FSTL4: variants seen among roughly 807,000 people sequenced by gnomAD.
The protein encoded by FSTL4 is follistatin like 4, also known as follistatin-related protein 4.
Under a neutral mutation model 78.2 loss-of-function variants are expected in FSTL4, and 28 were observed. That is an observed-to-expected ratio of 0.36 (90% CI 0.27 to 0.49). FSTL4 has a LOEUF of 0.49. Among genes scored for constraint, FSTL4 ranks in the 20% least tolerant of loss-of-function variants. The pLI is 0.98. For synonymous variants in FSTL4, 422 were observed against 440.5 expected (o/e 0.96, Z 0.53); for missense variants, 922 against 1,084.9 (o/e 0.85, Z 2.11).
chr5:133,254,476 G>T (rs868008772), intron 6 of FSTL4, among the ~76,000 whole-genome samples: 23 of 152,254 alleles, frequency 1.5e-4, no homozygotes, highest in Admixed American at 4.6e-4. Flanking sequence ...ACCTCCAGGG[G>T]CAGGGACTAG....
intron 3 of FSTL4, among the ~76,000 whole-genome samples, chr5:133,530,359 C>A (rs1252364457): frequency 2.0e-5 from 3 of 152,194 alleles, no homozygotes; most frequent in African/African-American, 7.2e-5. Flanking sequence ...GTTAAAAACA[C>A]CTTGCTGGAC....
At chr5:133,813,972 T>C in the FSTL4 span, among the ~76,000 whole-genome samples, 1 of 152,238 alleles carries the variant, frequency 6.6e-6, no homozygotes, top group African/African-American at 2.4e-5. Context: ...GTAGGAATCA[T>C]ACACCTTCAT....
chr5:133,407,299 A>G (rs1384281765), intron 3 of FSTL4, among the ~76,000 whole-genome samples: 1 of 151,804 alleles, frequency 6.6e-6, no homozygotes, highest in East Asian at 1.9e-4. Context: ...CATCTTCATC[A>G]CCTCCCTGTC....
intron 2 of FSTL4, among the ~76,000 whole-genome samples, chr5:133,580,601 T>C (rs1434590537): frequency 6.6e-6 from 1 of 152,168 alleles, no homozygotes; most frequent in Non-Finnish European, 1.5e-5. Flanking sequence ...GGGGAAAGGA[T>C]TTGCTGTGTG....
chr5:133,681,409 G>A, the FSTL4 span, among the ~76,000 whole-genome samples: 1 of 152,222 alleles, frequency 6.6e-6, no homozygotes, highest in African/African-American at 2.4e-5. Context: ...TGAATCAGAT[G>A]TTTCCCATCT....
chr5:133,244,929 G>C (rs1751988642), intron 7 of FSTL4: 1 of 152,292 alleles, frequency 6.6e-6, no homozygotes, highest in Non-Finnish European at 1.5e-5. Flanking sequence ...AGGCCAGCCT[G>C]GGCAACATAG....
At chr5:133,575,817 C>T (rs1760265114) in intron 2 of FSTL4, among the ~76,000 whole-genome samples, 1 of 152,190 alleles carries the variant, frequency 6.6e-6, no homozygotes, top group South Asian at 2.1e-4. Flanking sequence ...GACTAAATTT[C>T]TTTAACTAAA....
intron 3 of FSTL4, among the ~76,000 whole-genome samples, chr5:133,566,443 A>G (rs537422187): frequency 6.6e-6 from 1 of 152,330 alleles, no homozygotes; most frequent in South Asian, 2.1e-4. Flanking sequence ...GGGTAAAACC[A>G]AAGCCACATT....
chr5:133,282,194 G>C (rs1753025344), intron 6 of FSTL4, among the ~76,000 whole-genome samples: 1 of 152,278 alleles, frequency 6.6e-6, no homozygotes, highest in African/African-American at 2.4e-5. Context: ...AGTTTGCCCA[G>C]AAGATGGGAA....
rs557496245 is a variant in FSTL4 at position 133,528,880 on chromosome 5, C to A, written c.160+38306G>T. On this transcript the variant is annotated intron_variant, in intron 3 of 15. Transcript: ENST00000265342. ...GTTCTTGTTTGGACACAGAGCTGTTCGCTATCTCCAGCCTCTCTTGCCATT... is the reference window on the plus strand; with the variant it reads ...GTTCTTGTTTGGACACAGAGCTGTTAGCTATCTCCAGCCTCTCTTGCCATT... Among the ~76,000 whole-genome samples, 187 of 152,314 alleles carry A rather than the reference C, an allele frequency of 1.2e-3. 1 individual carries two copies. Among genetic ancestry groups the A allele is most frequent in the African/African-American group, 4.2e-3 (173 of 41,576 alleles).
At chr5:133,200,972 T>G (rs1339365022) in intron 15 of FSTL4, among the ~76,000 whole-genome samples, 1 of 152,226 alleles carries the variant, frequency 6.6e-6, no homozygotes, top group Non-Finnish European at 1.5e-5. Flanking sequence ...TGAATACAGC[T>G]GCTTTATGAG....
chr5:133,555,606 C>T (rs9327654), intron 3 of FSTL4, among the ~76,000 whole-genome samples: 58,966 of 152,070 alleles, frequency 0.39, 11,567 homozygotes, highest in African/African-American at 0.42. Context: ...TTTTAAATTC[C>T]GTATAAAGGG....
At chr5:133,813,584 C>T in the FSTL4 span, among the ~76,000 whole-genome samples, 5 of 152,212 alleles carry the variant, frequency 3.3e-5, no homozygotes, top group South Asian at 1.0e-3. Context: ...TATGTTTAAT[C>T]TTTTTACACA....
chr5:133,830,383 T>C, the FSTL4 span, among the ~76,000 whole-genome samples: 13 of 152,266 alleles, frequency 8.5e-5, no homozygotes, highest in Admixed American at 2.6e-4. Context: ...TCAGAGGCCC[T>C]GCCAGGGACA....
intron 3 of FSTL4, among the ~76,000 whole-genome samples, chr5:133,510,010 T>C (rs766721494): frequency 2.0e-5 from 3 of 152,246 alleles, no homozygotes; most frequent in Non-Finnish European, 4.4e-5. Context: ...TCATACTTCA[T>C]AATCATAACC....
intron 6 of FSTL4, among the ~76,000 whole-genome samples, chr5:133,301,012 G>T (rs975281767): frequency 2.6e-5 from 4 of 152,174 alleles, no homozygotes; most frequent in African/African-American, 7.2e-5. Flanking sequence ...ATCTGAAAGG[G>T]ACCCAGGTGA....
intron 14 of FSTL4, among the ~76,000 whole-genome samples, chr5:133,205,027 C>T (rs1353348818): frequency 6.6e-6 from 1 of 152,054 alleles, no homozygotes; most frequent in African/African-American, 2.4e-5. Context: ...ATATCCTAGA[C>T]TTTCCAGTTA....
the FSTL4 span, among the ~76,000 whole-genome samples, chr5:133,622,480 G>A: frequency 0.024 from 3,610 of 152,110 alleles, 60 homozygotes; most frequent in Non-Finnish European, 0.035. Flanking sequence ...AATGTTACAC[G>A]AAAAAGCCAA....
the FSTL4 span, among the ~76,000 whole-genome samples, chr5:133,791,931 G>A: frequency 1.3e-5 from 2 of 152,194 alleles, no homozygotes; most frequent in Non-Finnish European, 2.9e-5. Context: ...AATCTCACCC[G>A]TGGTTCCAGG....
Sources: allele counts gnomAD v4.1 joint callset (sites outside exome capture counted in the v4.1 genomes callset), GRCh38; gene constraint gnomAD v4.1.1; transcripts MANE v1.5; gene names NCBI Gene and HGNC (gene_info 2026-07-23, HGNC 2026-07-21).